Variants in OMA1 observed in about 807,000 individuals in gnomAD.
OMA1 encodes the protein metalloendopeptidase OMA1, mitochondrial.
A neutral mutation model predicts 30.9 loss-of-function variants in OMA1; 38 were observed. That is an observed-to-expected ratio of 1.23 (90% confidence interval 0.95 to 1.61). The LOEUF is 1.61. Ranked by LOEUF, OMA1 falls within the 40% of genes most tolerant of loss-of-function variation. The pLI, the probability that OMA1 is intolerant of heterozygous loss-of-function variation, is 0.00. For synonymous variants in OMA1, 173 were observed against 121.9 expected (o/e 1.42, Z -2.76); for missense variants, 461 against 349.2 (o/e 1.32, Z -2.55).
At position 58,527,223 on chromosome 1, in the gene OMA1, G is replaced by T. The variant is rs375972697; in HGVS notation, c.1215+38C>A. ...AACACACGTTTATCTTTCAGCCTGG[G>T]AAGGGCATTATGTATTCTCAACTAC... On this transcript the variant is annotated intron_variant, in intron 7 of 8. Transcript: ENST00000371226. The T allele has an allele frequency of 9.3e-6, 8 of 860,896 alleles. No individual in the cohort carries two copies. The African/African-American group carries it at 9.8e-5, about 11-fold the overall frequency. 53.3% of individuals were successfully genotyped at this position (860,896 alleles called of 1,614,324 possible).
At chr1:58,489,802 A>T (rs1422326520) in intron 8 of OMA1, among the ~76,000 whole-genome samples, 3 of 152,214 alleles carry the variant, frequency 2.0e-5, no homozygotes, top group Non-Finnish European at 4.4e-5. Context: ...GCTGTTCTGC[A>T]GCCTCCGCTG....
intron 8 of OMA1, among the ~76,000 whole-genome samples, chr1:58,498,407 C>A (rs1385923530): frequency 6.6e-6 from 1 of 151,924 alleles, no homozygotes; most frequent in African/African-American, 2.4e-5. Flanking sequence ...CCTTTACTAC[C>A]ACCTCTATTT....
At chr1:58,482,776 G>GTCTC (rs1645511025) in intron 8 of OMA1, among the ~76,000 whole-genome samples, 1 of 152,180 alleles carries the variant, frequency 6.6e-6, no homozygotes, top group African/African-American at 2.4e-5. Flanking sequence ...CGAGTACAAG[G>GTCTC]GAGATGGGAG....
chr1:58,540,458 A>G (rs923018275), intron 1 of OMA1, among the ~76,000 whole-genome samples: 2 of 152,030 alleles, frequency 1.3e-5, no homozygotes, highest in Admixed American at 1.3e-4. Flanking sequence ...GCATTAGTAG[A>G]TAAGGATATT....
At chr1:58,536,800 C>T (rs755209526) in intron 2 of OMA1, 59 bp from the exon 3 acceptor site, 39 of 809,834 alleles carry the variant, frequency 4.8e-5, no homozygotes, top group Non-Finnish European at 7.5e-5. Context: ...ATCACTAAAG[C>T]TCAAATGCAT....
intron 8 of OMA1, among the ~76,000 whole-genome samples, chr1:58,493,415 A>G (rs1325458926): frequency 6.6e-6 from 1 of 152,128 alleles, no homozygotes; most frequent in Non-Finnish European, 1.5e-5. Flanking sequence ...AGTTCTGGCC[A>G]GGGCAATCAG....
At chr1:58,520,031 G>T (rs7355165) in intron 7 of OMA1, among the ~76,000 whole-genome samples, 44,758 of 151,936 alleles carry the variant, frequency 0.29, 7,191 homozygotes, top group African/African-American at 0.41. Context: ...CACTCATAAG[G>T]GGGAGCTAAA....
chr1:58,509,422 C>G (rs1114660), intron 7 of OMA1, among the ~76,000 whole-genome samples: 1 of 149,800 alleles, frequency 6.7e-6, no homozygotes, highest in Non-Finnish European at 1.5e-5. Flanking sequence ...GAAAAAAAAA[C>G]CAAAAAGAAA....
chr1:58,540,486 T>C (rs1448633013), intron 1 of OMA1, among the ~76,000 whole-genome samples: 5 of 151,848 alleles, frequency 3.3e-5, no homozygotes, highest in Non-Finnish European at 5.9e-5. Flanking sequence ...GTAACTATAC[T>C]GCACATGTTT....
At chr1:58,496,903 A>G (rs1329233232) in intron 8 of OMA1, among the ~76,000 whole-genome samples, 2 of 152,162 alleles carry the variant, frequency 1.3e-5, no homozygotes, top group African/African-American at 4.8e-5. Context: ...GGGTGGTGCT[A>G]AATTATCACC....
chr1:58,513,157 A>G (rs1259892263), intron 7 of OMA1, among the ~76,000 whole-genome samples: 1 of 152,096 alleles, frequency 6.6e-6, no homozygotes, highest in Non-Finnish European at 1.5e-5. Context: ...CAGTTCCCCC[A>G]TGCTGTTCTC....
Position 58,533,942 on chromosome 1 carries a change from T to C in OMA1, c.1011+11A>G. 1 of 869,954 alleles carries C rather than the reference T, an allele frequency of 1.1e-6. No homozygotes were observed. Among genetic ancestry groups the C allele is most frequent in the Non-Finnish European group, 2.0e-6 (1 of 499,400 alleles). The allele number at this position is 869,954 out of a possible 1,614,324, so 53.9% of individuals were successfully genotyped here. On this transcript the variant is annotated intron_variant, in intron 5 of 8. Transcript: ENST00000371226. Reference sequence around the variant, plus strand: ...TTTTTCCAAACCTGAACATTCATTTTAGGTACTTACAGCATGCCCAAGTAC... The same window carrying C: ...TTTTTCCAAACCTGAACATTCATTTCAGGTACTTACAGCATGCCCAAGTAC...
Position 58,480,856 on chromosome 1 carries a change from C to A in OMA1, c.*109G>T, listed in dbSNP as rs1016067757. 1.8e-5 allele frequency: 12 copies of A among 659,614 alleles called. No homozygotes were observed. The highest frequency in any genetic ancestry group is 3.0e-5 in the Non-Finnish European group (12 of 395,092). 40.9% of individuals were successfully genotyped at this position (659,614 alleles called of 1,614,324 possible). ...AATATCTGTAATGTACATGATTTGACCCTGAATATCCTTTTTTTTTTCACT... is the reference window on the plus strand; with the variant it reads ...AATATCTGTAATGTACATGATTTGAACCTGAATATCCTTTTTTTTTTCACT... On this transcript the variant is annotated 3_prime_UTR_variant, in exon 9 of 9. Transcript: ENST00000371226.
At chr1:58,499,930 T>C (rs1009605515) in intron 8 of OMA1, among the ~76,000 whole-genome samples, 1 of 151,970 alleles carries the variant, frequency 6.6e-6, no homozygotes, top group Non-Finnish European at 1.5e-5. Context: ...CATCAACTAC[T>C]TATTCACAAA....
At chr1:58,507,214 A>AT (rs1391134748) in intron 7 of OMA1, among the ~76,000 whole-genome samples, 6 of 151,876 alleles carry the variant, frequency 4.0e-5, no homozygotes, top group Non-Finnish European at 8.8e-5. Context: ...TATTCTTTCT[A>AT]TAATAAGTAA....
chr1:58,511,217 T>C (rs1646071995), intron 7 of OMA1, among the ~76,000 whole-genome samples: 1 of 152,128 alleles, frequency 6.6e-6, no homozygotes, highest in Non-Finnish European at 1.5e-5. Context: ...CTTCCTGATT[T>C]CAAAATATAT....
Position 58,530,702 on chromosome 1 carries a change from A to G in OMA1, c.1039T>C (p.Leu347=). 1.1e-6 allele frequency: 1 copy of G among 872,778 alleles called. No homozygotes were observed. 54.1% of individuals were successfully genotyped at this position (872,778 alleles called of 1,614,324 possible). A position where few individuals can be genotyped will look rare whatever the true frequency, so the allele number is the denominator to read the frequency against. Residue 347 remains leucine, a synonymous_variant, in exon 6 of 9, where the codon TTG becomes CTG. Transcript: ENST00000371226. ...AGGAAAATCATACCTAGGAAATCCAACAAATGAACCATGCCAGCCTTTTCT... is the reference window on the plus strand; with the variant it reads ...AGGAAAATCATACCTAGGAAATCCAGCAAATGAACCATGCCAGCCTTTTCT... ...AAEKAGMVHL[L]DFLGMIFLTM...
chr1:58,496,401 T>C (rs1291455120), intron 8 of OMA1, among the ~76,000 whole-genome samples: 2 of 152,208 alleles, frequency 1.3e-5, no homozygotes, highest in African/African-American at 4.8e-5. Flanking sequence ...TAAATCAACC[T>C]TATCATGCCA....
At chr1:58,528,964 C>A (rs1324579484) in intron 6 of OMA1, among the ~76,000 whole-genome samples, 2 of 152,154 alleles carry the variant, frequency 1.3e-5, no homozygotes, top group Non-Finnish European at 2.9e-5. Context: ...TAAATGTTAT[C>A]TTTCTTATGA....
Sources: gnomAD v4.1 joint callset for allele counts (sites outside exome capture counted in the v4.1 genomes callset) on GRCh38, gnomAD v4.1.1 for gene constraint, MANE v1.5 for transcripts, NCBI Gene and HGNC (gene_info 2026-07-23, HGNC 2026-07-21) for gene names.